MAN1A2: variants seen among roughly 807,000 people sequenced by gnomAD.
MAN1A2 encodes the protein mannosyl-oligosaccharide 1,2-alpha-mannosidase IB.
A neutral mutation model predicts 75.7 loss-of-function variants in MAN1A2; 26 were observed. The observed-to-expected ratio is 0.34, with a 90% CI of 0.25 to 0.48. The LOEUF is 0.48. Among genes scored for constraint, MAN1A2 ranks in the 20% least tolerant of loss-of-function variants. MAN1A2 has a pLI of 0.99. For missense variants in MAN1A2, 562 were observed against 775.5 expected (o/e 0.72, Z 3.27); for synonymous variants, 247 against 264.6 (o/e 0.93, Z 0.65).
At chr1:117,488,065 G>T (rs1650767986) in intron 8 of MAN1A2, among the ~76,000 whole-genome samples, 1 of 151,854 alleles carries the variant, frequency 6.6e-6, no homozygotes, top group Non-Finnish European at 1.5e-5. Flanking sequence ...TCTTATTATT[G>T]CCCTGTCTTC....
chr1:117,463,727 C>T (rs1349516728), intron 7 of MAN1A2, among the ~76,000 whole-genome samples: 1 of 150,086 alleles, frequency 6.7e-6, no homozygotes, highest in Non-Finnish European at 1.5e-5. Flanking sequence ...AAAAAAAAGT[C>T]ACCATGAGTA....
Position 117,512,568 on chromosome 1 carries a change from A to C in MAN1A2, c.1793+9598A>C, listed in dbSNP as rs74785058. On this transcript the variant is annotated intron_variant, in intron 12 of 12. Coordinates refer to ENST00000356554, the MANE Select transcript of MAN1A2 (RefSeq NM_006699.5). ...TTATGGAGACAATTAGGGATTAAGA[A>C]ATTAACTATACTGGCAGAGAACCTA... Among the ~76,000 whole-genome samples, 1,219 of 152,184 alleles carry C rather than the reference A, an allele frequency of 8.0e-3. 27 individuals are homozygous for C. The highest frequency in any genetic ancestry group is 0.028 in the African/African-American group (1,169 of 41,524).
intron 8 of MAN1A2, among the ~76,000 whole-genome samples, chr1:117,479,338 G>A (rs1650419941): frequency 6.6e-6 from 1 of 151,904 alleles, no homozygotes; most frequent in Non-Finnish European, 1.5e-5. Context: ...TCTTTATGCA[G>A]TGTATTATTA....
intron 5 of MAN1A2, among the ~76,000 whole-genome samples, chr1:117,439,104 GA>G (rs1648942895): frequency 6.6e-6 from 1 of 152,156 alleles, no homozygotes; most frequent in African/African-American, 2.4e-5. Flanking sequence ...ACAGTGAAAC[GA>G]AAACATACCT....
intron 1 of MAN1A2, among the ~76,000 whole-genome samples, chr1:117,375,915 GTT>G (rs33969366): frequency 7.1e-6 from 1 of 140,954 alleles, no homozygotes. Flanking sequence ...ATTAATTTAT[GTT>G]TTTTTTTTTT....
At chr1:117,476,274 T>C (rs1220549191) in intron 8 of MAN1A2, among the ~76,000 whole-genome samples, 5 of 152,262 alleles carry the variant, frequency 3.3e-5, no homozygotes, top group Non-Finnish European at 7.4e-5. Context: ...GTCAGATGGA[T>C]AGATTGCAAA....
At chr1:117,375,129 CA>C (rs770742625) in intron 1 of MAN1A2, among the ~76,000 whole-genome samples, 14 of 152,096 alleles carry the variant, frequency 9.2e-5, no homozygotes, top group Admixed American at 7.9e-4. Flanking sequence ...GCCCAGTTAT[CA>C]ATTACACGTC....
intron 1 of MAN1A2, among the ~76,000 whole-genome samples, chr1:117,379,082 T>A (rs1174885314): frequency 6.6e-6 from 1 of 152,152 alleles, no homozygotes; most frequent in Non-Finnish European, 1.5e-5. Flanking sequence ...AAGTAACAGT[T>A]TCCTGTATTT....
intron 3 of MAN1A2, among the ~76,000 whole-genome samples, chr1:117,413,859 T>C (rs1424988805): frequency 1.3e-5 from 2 of 151,984 alleles, no homozygotes; most frequent in African/African-American, 2.4e-5. Context: ...TTTTTTGCTG[T>C]ACTACTAGAT....
intron 4 of MAN1A2, among the ~76,000 whole-genome samples, chr1:117,418,380 C>T (rs1342304344): frequency 1.3e-5 from 2 of 151,918 alleles, no homozygotes; most frequent in African/African-American, 4.8e-5. Flanking sequence ...ATGGGGTGGT[C>T]ATGGAAGAAC....
At position 117,499,272 on chromosome 1, in the gene MAN1A2, A is replaced by C. The variant is rs1190007012; in HGVS notation, c.1505-110A>C. 1.4e-5 allele frequency: 11 copies of C among 786,786 alleles called. No homozygotes were observed. The Middle Eastern group carries it at 2.7e-3, about 195-fold the overall frequency. The allele number at this position is 786,786 out of a possible 1,614,324, so 48.7% of individuals were successfully genotyped here. A position where few individuals can be genotyped will look rare whatever the true frequency, so the allele number is the denominator to read the frequency against. On this transcript the variant is annotated intron_variant, in intron 10 of 12. Transcript: ENST00000356554. ...CTGAGTGCAAACAGCAACAATAAAA[A>C]TAAACAACAAAAATTACTTCATATT...
At chr1:117,491,592 A>G (rs996088401) in intron 8 of MAN1A2, among the ~76,000 whole-genome samples, 3 of 152,104 alleles carry the variant, frequency 2.0e-5, no homozygotes, top group African/African-American at 7.2e-5. Context: ...TCTGTAGCCC[A>G]TGGGTCAAAG....
intron 6 of MAN1A2, among the ~76,000 whole-genome samples, chr1:117,450,974 A>G (rs141785929): frequency 2.0e-5 from 3 of 152,328 alleles, no homozygotes; most frequent in East Asian, 3.9e-4. Flanking sequence ...GGCACCACCT[A>G]GTGGAGCTGT....
chr1:117,464,145 C>T (rs751845533), intron 7 of MAN1A2, among the ~76,000 whole-genome samples: 7 of 151,910 alleles, frequency 4.6e-5, no homozygotes, highest in East Asian at 1.9e-4. Flanking sequence ...GTGGGTGGAT[C>T]GCTTGAGCTC....
At chr1:117,509,131 CA>C (rs34388806) in intron 12 of MAN1A2, among the ~76,000 whole-genome samples, 36,336 of 149,976 alleles carry the variant, frequency 0.24, 4,543 homozygotes, top group East Asian at 0.4. Context: ...AACATCTGTA[CA>C]AAAAAAAGAG....
At chr1:117,500,588 G>A (rs1229138054) in intron 11 of MAN1A2, among the ~76,000 whole-genome samples, 1 of 151,802 alleles carries the variant, frequency 6.6e-6, no homozygotes, top group Non-Finnish European at 1.5e-5. Flanking sequence ...ACTAAGGGGA[G>A]TACACTTATT....
chr1:117,368,499 A>C lies in MAN1A2; in HGVS notation c.302+14A>C. ...ACATAGACACAGGTTTGTTTATTTC[A>C]GAAGTTCTGGTACTAACATTTGGCA... On this transcript the variant is annotated intron_variant, in intron 1 of 12. Coordinates refer to ENST00000356554, the MANE Select transcript of MAN1A2 (RefSeq NM_006699.5). The C allele has an allele frequency of 6.3e-7, 1 of 1,585,666 alleles. No individual in the cohort carries two copies. The highest frequency in any genetic ancestry group is 8.6e-7 in the Non-Finnish European group (1 of 1,168,076).
intron 5 of MAN1A2, among the ~76,000 whole-genome samples, chr1:117,437,543 A>G (rs1238841959): frequency 6.6e-6 from 1 of 152,230 alleles, no homozygotes; most frequent in East Asian, 1.9e-4. Flanking sequence ...TGCAAGGTGT[A>G]GGAGTGTGTG....
chr1:117,498,667 A>T (rs1651106405), intron 10 of MAN1A2, among the ~76,000 whole-genome samples: 1 of 151,888 alleles, frequency 6.6e-6, no homozygotes, highest in African/African-American at 2.4e-5. Flanking sequence ...TAAACCAAAA[A>T]ATGATTATTT....
Sources: gnomAD v4.1 joint callset for allele counts (sites outside exome capture counted in the v4.1 genomes callset) on GRCh38, gnomAD v4.1.1 for gene constraint, MANE v1.5 for transcripts, NCBI Gene and HGNC (gene_info 2026-07-23, HGNC 2026-07-21) for gene names.